Variants in TNPO3 observed in about 807,000 individuals in gnomAD.
TNPO3 encodes transportin 3, also known as transportin-3.
Under a neutral mutation model 122.8 loss-of-function variants are expected in TNPO3, and 65 were observed. The ratio of observed to expected loss-of-function variants is 0.53; its 90% confidence interval spans 0.43 to 0.65. The LOEUF (loss-of-function observed/expected upper bound fraction) is 0.65, where lower values mean the gene tolerates loss of function less well. Among genes scored for constraint, TNPO3 ranks in the 30% least tolerant of loss-of-function variants. The probability of loss-of-function intolerance (pLI) is 0.00; values close to 1 mark genes in which losing one functional copy is unlikely to be tolerated. For missense variants in TNPO3, 850 were observed against 1,136.7 expected (o/e 0.75, Z 3.63); for synonymous variants, 372 against 411.2 (o/e 0.90, Z 1.15).
chr7:129,026,287 C>T (rs1218408818), intron 1 of TNPO3, among the ~76,000 whole-genome samples: 3 of 152,092 alleles, frequency 2.0e-5, no homozygotes, highest in Admixed American at 6.5e-5. Context: ...CAATTACTTG[C>T]CCCCAGGCAA....
intron 1 of TNPO3, among the ~76,000 whole-genome samples, chr7:129,036,040 G>A (rs145997607): frequency 2.6e-4 from 36 of 140,506 alleles, no homozygotes; most frequent in African/African-American, 9.0e-4. Flanking sequence ...TGTAATCACC[G>A]CCTCCCGGAT....
intron 1 of TNPO3, chr7:129,030,010 G>C (rs963800708): frequency 6.5e-6 from 1 of 153,502 alleles, no homozygotes; most frequent in African/African-American, 2.4e-5. Context: ...CTGGGTGACA[G>C]AGCGAGACTC....
chr7:129,016,107 A>T lies in TNPO3; in HGVS notation c.395+876T>A, dbSNP rs576511411. ...CTCCAAAAAAATAAAAATAATTTTT[A>T]AAAAAGTTATCCAAGCTGGATGAGG... On this transcript the variant is annotated intron_variant, in intron 3 of 22. Coordinates refer to ENST00000265388, the MANE Select transcript of TNPO3 (RefSeq NM_012470.4). Among the ~76,000 whole-genome samples the T allele has an allele frequency of 1.6e-3, 248 of 152,232 alleles. 4 individuals are homozygous for T. The highest frequency in any genetic ancestry group is 5.1e-3 in the Admixed American group (78 of 15,300).
intron 12 of TNPO3, 91 bp downstream of exon 12, chr7:128,986,638 T>A (rs879498088): frequency 8.1e-7 from 1 of 1,231,256 alleles, no homozygotes; most frequent in Non-Finnish European, 1.1e-6. Flanking sequence ...ACTAAGTACA[T>A]TGCAACTGAA....
intron 15 of TNPO3, among the ~76,000 whole-genome samples, chr7:128,979,607 C>T (rs6946318): frequency 0.49 from 74,248 of 151,946 alleles, 18,340 homozygotes; most frequent in African/African-American, 0.51. Context: ...TTGATCCTCA[C>T]ATAACCTTCA....
upstream of TNPO3, chr7:129,056,033 G>A (rs1034951536): frequency 6.2e-6 from 7 of 1,121,664 alleles, no homozygotes; most frequent in East Asian, 9.8e-5. Flanking sequence ...CGCCCTCCAG[G>A]AAGTTCTTCG....
chr7:128,997,537 T>G lies in TNPO3; in HGVS notation c.1012-2A>C. 1 of 1,612,444 alleles carries G rather than the reference T, an allele frequency of 6.2e-7. No individual in the cohort carries two copies. Among genetic ancestry groups the G allele is most frequent in the Non-Finnish European group, 8.5e-7 (1 of 1,178,564 alleles). ...AAAGTTAAATGAAATTTCTACTACC[T>G]GTTAGGTTAAAAGAGATGATTTATT... On this transcript the variant is annotated splice_acceptor_variant, in intron 7 of 22. Coordinates refer to ENST00000265388, the MANE Select transcript of TNPO3 (RefSeq NM_012470.4). LOFTEE classifies it high-confidence loss of function.
intron 1 of TNPO3, among the ~76,000 whole-genome samples, chr7:129,022,281 G>T (rs945724311): frequency 6.6e-6 from 1 of 151,962 alleles, no homozygotes; most frequent in Non-Finnish European, 1.5e-5. Context: ...GCTACTAGGA[G>T]GCTGAGGAGG....
chr7:128,982,408 T>C (rs1262669838), intron 13 of TNPO3, 84 bp from the exon 14 acceptor site: 2 of 1,209,176 alleles, frequency 1.7e-6, no homozygotes, highest in Non-Finnish European at 2.4e-6. Flanking sequence ...AACCTTTGTC[T>C]CAATCTCTGC....
chr7:129,027,475 C>T (rs568862723), intron 1 of TNPO3, among the ~76,000 whole-genome samples: 6 of 136,768 alleles, frequency 4.4e-5, no homozygotes, highest in South Asian at 2.4e-4. Context: ...GCAGGAGAAT[C>T]GCTTGAACCC....
intron 1 of TNPO3, among the ~76,000 whole-genome samples, chr7:129,046,941 C>CG (rs1176711450): frequency 6.6e-6 from 1 of 152,114 alleles, no homozygotes; most frequent in Non-Finnish European, 1.5e-5. Context: ...TGCCACAAAT[C>CG]GGGGGGTATT....
intron 10 of TNPO3, 177 bp from the exon 11 acceptor site, chr7:128,990,277 A>C: frequency 1.4e-6 from 1 of 724,656 alleles, no homozygotes; most frequent in Non-Finnish European, 2.4e-6. Context: ...AGAGGAAAAG[A>C]TAGAAATGAA....
At chr7:129,008,688 A>G (rs141138884) in intron 4 of TNPO3, among the ~76,000 whole-genome samples, 1 of 152,224 alleles carries the variant, frequency 6.6e-6, no homozygotes, top group Admixed American at 6.5e-5. Context: ...TTCCCTTAAC[A>G]TGAACTGGAG....
chr7:128,998,176 C>T (rs1801539836), intron 7 of TNPO3, among the ~76,000 whole-genome samples: 1 of 151,864 alleles, frequency 6.6e-6, no homozygotes, highest in African/African-American at 2.4e-5. Context: ...TTCAGCCAGG[C>T]GCGAAACACC....
intron 1 of TNPO3, among the ~76,000 whole-genome samples, chr7:129,022,413 T>C (rs1181215407): frequency 6.6e-6 from 1 of 150,708 alleles, no homozygotes. Flanking sequence ...TAAATGAATA[T>C]AATCCCATCA....
intron 1 of TNPO3, among the ~76,000 whole-genome samples, chr7:129,027,695 A>G (rs1281535174): frequency 1.3e-5 from 2 of 151,820 alleles, no homozygotes; most frequent in Non-Finnish European, 2.9e-5. Flanking sequence ...ATGGAAGAGC[A>G]GAGAGTTCAG....
chr7:128,975,281 A>C (rs1798937692), intron 17 of TNPO3, among the ~76,000 whole-genome samples: 1 of 152,244 alleles, frequency 6.6e-6, no homozygotes, highest in Admixed American at 6.5e-5. Flanking sequence ...GGTATAGTCC[A>C]CTAAGGGAGT....
At chr7:129,012,036 C>A (rs1803271552) in intron 4 of TNPO3, among the ~76,000 whole-genome samples, 1 of 130,436 alleles carries the variant, frequency 7.7e-6, no homozygotes, top group Non-Finnish European at 1.6e-5. Context: ...GATGGAGTCT[C>A]CCTCTGTTGC....
At chr7:128,981,305 A>T (rs1409981452) in intron 14 of TNPO3, among the ~76,000 whole-genome samples, 1 of 152,220 alleles carries the variant, frequency 6.6e-6, no homozygotes, top group Non-Finnish European at 1.5e-5. Flanking sequence ...CCAGTTATAC[A>T]TGGGTCCCAA....
Sources: allele counts gnomAD v4.1 joint callset (sites outside exome capture counted in the v4.1 genomes callset), GRCh38; gene constraint gnomAD v4.1.1; transcripts MANE v1.5; gene names NCBI Gene and HGNC (gene_info 2026-07-23, HGNC 2026-07-21).